Variants in CORO2B observed in about 807,000 individuals in gnomAD.
CORO2B encodes coronin-2B.
A neutral mutation model predicts 58.8 loss-of-function variants in CORO2B; 26 were observed. The observed-to-expected ratio is 0.44, with a 90% confidence interval of 0.32 to 0.61. CORO2B has a LOEUF of 0.61. CORO2B is among the 20% of genes least tolerant of loss of function. The probability of loss-of-function intolerance (pLI) is 0.04; values close to 1 mark genes in which losing one functional copy is unlikely to be tolerated. For synonymous variants in CORO2B, 242 were observed against 253.8 expected, an observed-to-expected ratio of 0.95 and a Z score of 0.44; for missense variants, 460 against 645.1, an observed-to-expected ratio of 0.71 and a Z score of 3.11.
At chr15:68,650,356 TAAAAAAAAAAAAAAAA>T (rs532431600) in intron 2 of CORO2B, among the ~76,000 whole-genome samples, 1 of 86,086 alleles carries the variant, frequency 1.2e-5, no homozygotes, top group Non-Finnish European at 2.4e-5. Context: ...AAACTCTGTC[TAAAAAAAAAAAAAAAA>T]AAAAAAAAAA....
At chr15:68,534,431 A>G in the CORO2B span, among the ~76,000 whole-genome samples, 1 of 152,222 alleles carries the variant, frequency 6.6e-6, no homozygotes, top group Non-Finnish European at 1.5e-5. Flanking sequence ...AAACATCTTC[A>G]TAGTGTTTTA....
At chr15:68,703,091 G>T (rs1264058162) in intron 3 of CORO2B, among the ~76,000 whole-genome samples, 2 of 148,106 alleles carry the variant, frequency 1.4e-5, no homozygotes, top group African/African-American at 5.1e-5. Flanking sequence ...ATCCCAAAGT[G>T]CTGGGATTAC....
chr15:68,602,324 G>T (rs760911813), intron 1 of CORO2B, among the ~76,000 whole-genome samples: 2 of 151,120 alleles, frequency 1.3e-5, no homozygotes, highest in African/African-American at 2.4e-5. Flanking sequence ...AAACACTCTT[G>T]GTGCTGTGGA....
At chr15:68,694,826 C>G (rs996145694) in intron 2 of CORO2B, among the ~76,000 whole-genome samples, 1 of 152,122 alleles carries the variant, frequency 6.6e-6, no homozygotes, top group African/African-American at 2.4e-5. Flanking sequence ...AACAGCTTAA[C>G]TTTAAACACT....
At chr15:68,606,103 G>T (rs1900116682) in intron 1 of CORO2B, among the ~76,000 whole-genome samples, 1 of 152,096 alleles carries the variant, frequency 6.6e-6, no homozygotes, top group Non-Finnish European at 1.5e-5. Context: ...GAAGCAGATT[G>T]GGGTGGGGAG....
In CORO2B at chr15:68,587,177, C is replaced by T. The variant is rs59728031; in HGVS notation, c.15+7900C>T. 3.0e-3 allele frequency among the ~76,000 whole-genome samples: 459 copies of T among 151,966 alleles called. 3 individuals are homozygous for T. The highest frequency in any genetic ancestry group is 0.011 in the African/African-American group (441 of 41,452). ...TGAGGCAGGAGATCATCCTGGGCAA[C>T]GTAGTGAGACCCCATCTCTAAAACA... On this transcript the variant is annotated intron_variant, in intron 1 of 11. Coordinates refer to ENST00000261861, the MANE Select transcript of CORO2B (RefSeq NM_006091.5).
intron 1 of CORO2B, among the ~76,000 whole-genome samples, chr15:68,631,008 T>C (rs2140259928): frequency 6.6e-6 from 1 of 152,282 alleles, no homozygotes; most frequent in Non-Finnish European, 1.5e-5. Context: ...TTGCCAGAAC[T>C]GGGTCTTGGA....
intron 1 of CORO2B, among the ~76,000 whole-genome samples, chr15:68,613,929 T>G (rs552733855): frequency 6.6e-6 from 1 of 152,334 alleles, no homozygotes; most frequent in East Asian, 1.9e-4. Context: ...GCTTCCTTAT[T>G]ATAGATTTAG....
chr15:68,671,576 G>T (rs1902396247), intron 2 of CORO2B, among the ~76,000 whole-genome samples: 1 of 152,244 alleles, frequency 6.6e-6, no homozygotes, highest in Non-Finnish European at 1.5e-5. Context: ...TTGCGTTAAA[G>T]CTGTCGGCCA....
intron 2 of CORO2B, among the ~76,000 whole-genome samples, chr15:68,682,802 C>T (rs1902833340): frequency 6.6e-6 from 1 of 152,152 alleles, no homozygotes; most frequent in African/African-American, 2.4e-5. Flanking sequence ...AGAGTGCTGC[C>T]CTGCTGCTGT....
At chr15:68,607,079 G>A (rs1052996806) in intron 1 of CORO2B, among the ~76,000 whole-genome samples, 12 of 152,168 alleles carry the variant, frequency 7.9e-5, no homozygotes, top group Non-Finnish European at 1.2e-4. Context: ...GGCTTTTGAA[G>A]TAGGTGGAGG....
chr15:68,544,698 C>A, the CORO2B span, among the ~76,000 whole-genome samples: 1 of 152,144 alleles, frequency 6.6e-6, no homozygotes, highest in Non-Finnish European at 1.5e-5. Flanking sequence ...TAGGTGGAAG[C>A]CCATGTCATT....
rs930694064 is a variant in CORO2B at position 68,610,402 on chromosome 15, A to G, written c.15+31125A>G. Among the ~76,000 whole-genome samples, 9 of 151,862 alleles carry G rather than the reference A, an allele frequency of 5.9e-5. No homozygotes were observed. The East Asian group carries it at 7.7e-4, about 13-fold the overall frequency. ...GCATCCTTTTCCTGTATACCCCCCA[A>G]TTTAACATCTAAGACCCCTTGCTGC... On this transcript the variant is annotated intron_variant, in intron 1 of 11. Transcript: ENST00000261861.
At chr15:68,700,968 T>A (rs1892628391) in intron 3 of CORO2B, among the ~76,000 whole-genome samples, 1 of 151,970 alleles carries the variant, frequency 6.6e-6, no homozygotes, top group Non-Finnish European at 1.5e-5. Context: ...CTCCTCACCC[T>A]GTAGATGATG....
chr15:68,714,048 C>T lies in CORO2B; in HGVS notation c.765+7C>T, dbSNP rs369781686. The T allele has an allele frequency of 7.2e-5, 114 of 1,589,834 alleles. 1 individual carries two copies. In the Middle Eastern group the frequency reaches 4.3e-3, roughly 60 times the overall value. On this transcript the variant is annotated splice_region_variant and intron_variant, in intron 6 of 11. Transcript: ENST00000261861. ...GATTGCCCTCTGGGACCAGGTCAGC[C>T]ACGGGGAGGCCTGCTGGGTTTGGGC...
chr15:68,706,862 C>G (rs1892797698), intron 3 of CORO2B, among the ~76,000 whole-genome samples: 1 of 152,134 alleles, frequency 6.6e-6, no homozygotes. Context: ...CAGGAGCATG[C>G]CACCACATCC....
At chr15:68,569,848 C>T in the CORO2B span, among the ~76,000 whole-genome samples, 6 of 152,276 alleles carry the variant, frequency 3.9e-5, no homozygotes, top group South Asian at 4.1e-4. Context: ...ATGAGGAAAC[C>T]GAGGTGCAGA....
At chr15:68,538,823 T>C in the CORO2B span, among the ~76,000 whole-genome samples, 2,487 of 152,296 alleles carry the variant, frequency 0.016, 60 homozygotes, top group African/African-American at 0.057. Flanking sequence ...AGAGGTGTCA[T>C]TCCAGTAGCC....
intron 1 of CORO2B, among the ~76,000 whole-genome samples, chr15:68,612,668 G>A (rs1900271244): frequency 6.6e-6 from 1 of 152,228 alleles, no homozygotes; most frequent in South Asian, 2.1e-4. Flanking sequence ...ACCTTGGTCT[G>A]CTGATGATAA....
Sources: allele counts gnomAD v4.1 joint callset (sites outside exome capture counted in the v4.1 genomes callset), GRCh38; gene constraint gnomAD v4.1.1; transcripts MANE v1.5; gene names NCBI Gene and HGNC (gene_info 2026-07-23, HGNC 2026-07-21).